The following SUFU variants were observed in gnomAD, a reference collection of about 807,000 sequenced individuals.
SUFU encodes the protein SUFU negative regulator of hedgehog signaling.
SUFU carries 7 observed loss-of-function variants against 58.9 expected under a neutral mutation model. The observed-to-expected ratio is 0.12, with a 90% CI of 0.07 to 0.22. SUFU has a LOEUF of 0.22. SUFU is among the 10% of genes least tolerant of loss of function. SUFU has a pLI of 1.00. For synonymous variants in SUFU, 232 were observed against 254.8 expected (o/e 0.91, Z 0.85); for missense variants, 451 against 641.3 (o/e 0.70, Z 3.20).
intron 3 of SUFU, among the ~76,000 whole-genome samples, chr10:102,557,633 A>C (rs1423245112): frequency 1.3e-5 from 2 of 152,184 alleles, no homozygotes; most frequent in East Asian, 3.9e-4. Flanking sequence ...AACAAAAAAC[A>C]AAGAAAAACA....
chr10:102,623,701 A>C (rs1024856181), intron 10 of SUFU, among the ~76,000 whole-genome samples: 2 of 152,132 alleles, frequency 1.3e-5, no homozygotes, highest in South Asian at 4.1e-4. Context: ...GCACTTTGGG[A>C]GGCCAAGGCG....
At chr10:102,511,443 C>T (rs777676867) in intron 2 of SUFU, among the ~76,000 whole-genome samples, 32 of 151,918 alleles carry the variant, frequency 2.1e-4, no homozygotes, top group Non-Finnish European at 3.8e-4. Flanking sequence ...CAGGACTCGT[C>T]CTGTCCTGCC....
At chr10:102,603,145 T>A (rs2063529845) in intron 8 of SUFU, among the ~76,000 whole-genome samples, 1 of 152,122 alleles carries the variant, frequency 6.6e-6, no homozygotes, top group South Asian at 2.1e-4. Flanking sequence ...GTGAATTGTG[T>A]GTAGAGGTTT....
chr10:102,620,808 G>A (rs945149811), intron 10 of SUFU, among the ~76,000 whole-genome samples: 7 of 152,122 alleles, frequency 4.6e-5, no homozygotes, highest in East Asian at 1.9e-4. Context: ...GCGGGAGCCC[G>A]GCCCAGAGCT....
intron 5 of SUFU, 25 bp downstream of exon 5, chr10:102,593,746 CG>C: frequency 6.2e-7 from 1 of 1,610,874 alleles, no homozygotes; most frequent in African/African-American, 1.3e-5. Flanking sequence ...AAGGTGGGAG[CG>C]CGGCTCCCTG....
chr10:102,546,326 C>T (rs1244794289), intron 2 of SUFU, among the ~76,000 whole-genome samples: 1 of 152,058 alleles, frequency 6.6e-6, no homozygotes. Context: ...GAACCCCTTA[C>T]CCCCACTCTG....
In SUFU at chr10:102,597,225, C is replaced by T. The variant is rs752387760; in HGVS notation, c.842C>T (p.Pro281Leu). 8.7e-6 allele frequency: 14 copies of T among 1,613,966 alleles called. No homozygotes were observed. Among genetic ancestry groups the T allele is most frequent in the Non-Finnish European group, 1.1e-5 (13 of 1,179,998 alleles). ...TGTGCCTGGGATGACCTGAGCCGGCCCCCCGAGGATGACGAGGACAGCCGG... is the reference window on the plus strand; with the variant it reads ...TGTGCCTGGGATGACCTGAGCCGGCTCCCCGAGGATGACGAGGACAGCCGG... ...AKCAWDDLSRPPEDDEDSRSI... is the reference protein window; with the variant it reads ...AKCAWDDLSRLPEDDEDSRSI... Residue 281 changes from proline to leucine, a missense_variant, in exon 7 of 12, where the codon CCC (proline) becomes CTC (leucine). Physicochemically the swap from Pro to Leu is moderately conservative, Grantham distance 98. Coordinates refer to ENST00000369902, the MANE Select transcript of SUFU (RefSeq NM_016169.4).
At chr10:102,531,265 A>C (rs1159886383) in intron 2 of SUFU, among the ~76,000 whole-genome samples, 1 of 152,130 alleles carries the variant, frequency 6.6e-6, no homozygotes, top group African/African-American at 2.4e-5. Context: ...TAAAAGAATA[A>C]AAAATAAAAA....
intron 8 of SUFU, among the ~76,000 whole-genome samples, chr10:102,608,084 C>A (rs547959441): frequency 3.3e-5 from 5 of 150,970 alleles, no homozygotes; most frequent in Admixed American, 3.3e-4. Flanking sequence ...ATCAGCCAGG[C>A]GTGATGGTGG....
At chr10:102,566,099 G>A (rs1466014778) in intron 3 of SUFU, among the ~76,000 whole-genome samples, 5 of 152,172 alleles carry the variant, frequency 3.3e-5, no homozygotes, top group Admixed American at 3.3e-4. Context: ...TTTGATGACT[G>A]GAAACTGCTC....
chr10:102,574,319 G>GA (rs1564688617), intron 3 of SUFU, among the ~76,000 whole-genome samples: 1 of 152,142 alleles, frequency 6.6e-6, no homozygotes, highest in Non-Finnish European at 1.5e-5. Flanking sequence ...CACAAAGACA[G>GA]AAAAAACTGT....
intron 3 of SUFU, among the ~76,000 whole-genome samples, chr10:102,573,895 G>A (rs534659181): frequency 3.2e-4 from 48 of 152,186 alleles, no homozygotes; most frequent in Admixed American, 5.9e-4. Flanking sequence ...AAAAGTCCTG[G>A]AAATGGAAGC....
At chr10:102,557,292 A>G (rs1399202403) in intron 3 of SUFU, among the ~76,000 whole-genome samples, 1 of 151,776 alleles carries the variant, frequency 6.6e-6, no homozygotes, top group Admixed American at 6.6e-5. Flanking sequence ...TTAAACAATA[A>G]CAGGGCCAGG....
chr10:102,573,218 G>A (rs181470752), intron 3 of SUFU: 8 of 728,290 alleles, frequency 1.1e-5, no homozygotes, highest in Non-Finnish European at 1.5e-5. Context: ...CTTTGCTTTC[G>A]GCACCGTCTT....
intron 3 of SUFU, among the ~76,000 whole-genome samples, chr10:102,583,950 G>A (rs1353505846): frequency 1.3e-5 from 2 of 152,160 alleles, no homozygotes; most frequent in Admixed American, 1.3e-4. Flanking sequence ...GAGCTCCAGG[G>A]AACTGGCCCA....
At chr10:102,552,688 A>G (rs1037432617) in intron 3 of SUFU, among the ~76,000 whole-genome samples, 1 of 152,242 alleles carries the variant, frequency 6.6e-6, no homozygotes, top group Non-Finnish European at 1.5e-5. Flanking sequence ...GTTATACAGG[A>G]TAATGTCCCT....
Position 102,617,700 on chromosome 10 carries a change from C to G in SUFU, c.1296+272C>G, listed in dbSNP as rs949508053. On this transcript the variant is annotated intron_variant, in intron 10 of 11. Coordinates refer to ENST00000369902, the MANE Select transcript of SUFU (RefSeq NM_016169.4). The surrounding 1 kb of genome is among the most constrained non-coding windows in gnomAD (Gnocchi z 4.4). ...GCCCTGGCTCTTGGTAATTCTGGTT[C>G]CCCGTGGAAATCCAGGTTGGAGGGA... 3.3e-6 allele frequency: 2 copies of G among 601,614 alleles called. No individual in the cohort carries two copies. Among genetic ancestry groups the G allele is most frequent in the East Asian group, 2.8e-5 (1 of 36,128 alleles). The allele number at this position is 601,614 out of a possible 1,614,324, so 37.3% of individuals were successfully genotyped here.
Position 102,504,024 on chromosome 10 carries a change from G to C in SUFU, c.-129G>C, listed in dbSNP as rs1024482417. 7.7e-7 allele frequency: 1 copy of C among 1,300,714 alleles called. No individual in the cohort carries two copies. Among genetic ancestry groups the C allele is most frequent in the African/African-American group, 1.5e-5 (1 of 65,038 alleles). 80.6% of individuals were successfully genotyped at this position (1,300,714 alleles called of 1,614,324 possible). Reference sequence around the variant, plus strand: ...GGACAGTGCGCCGTGCGCAGGCGCGGAGCTAGACCTCGCTGCAGCCCCCAT... The same window carrying C: ...GGACAGTGCGCCGTGCGCAGGCGCGCAGCTAGACCTCGCTGCAGCCCCCAT... On this transcript the variant is annotated 5_prime_UTR_variant, in exon 1 of 12. Coordinates refer to ENST00000369902, the MANE Select transcript of SUFU (RefSeq NM_016169.4).
chr10:102,629,958 C>T lies in SUFU; in HGVS notation c.1366-108C>T, dbSNP rs1206209548. Reference sequence around the variant, plus strand: ...AGAATGAAGCCACGCCTCCCGCGGCCTGTCCTATCCCTAGCTCCCCGGGGA... The same window carrying T: ...AGAATGAAGCCACGCCTCCCGCGGCTTGTCCTATCCCTAGCTCCCCGGGGA... On this transcript the variant is annotated intron_variant, in intron 11 of 11. Transcript: ENST00000369902. This position sits in a 1 kb window ranked among gnomAD's most constrained non-coding sequence, Gnocchi z 4.7. The T allele has an allele frequency of 1.2e-5, 13 of 1,053,524 alleles. No individual in the cohort carries two copies. Among genetic ancestry groups the T allele is most frequent in the Non-Finnish European group, 1.6e-5 (11 of 669,346 alleles). The allele number at this position is 1,053,524 out of a possible 1,614,324, so 65.3% of individuals were successfully genotyped here.
Sources: allele counts gnomAD v4.1 joint callset (sites outside exome capture counted in the v4.1 genomes callset), GRCh38; gene constraint gnomAD v4.1.1; non-coding constraint Gnocchi (gnomAD v3.1); transcripts MANE v1.5; gene names NCBI Gene and HGNC (gene_info 2026-07-23, HGNC 2026-07-21).